The following SLC9A9 variants were observed in gnomAD, a reference collection of about 807,000 sequenced individuals.
The protein encoded by SLC9A9 is sodium/hydrogen exchanger 9.
Under a neutral mutation model 77.8 loss-of-function variants are expected in SLC9A9, and 62 were observed. That is an observed-to-expected ratio of 0.80 (90% CI 0.65 to 0.98). The LOEUF (loss-of-function observed/expected upper bound fraction) is 0.98. Among genes scored for constraint, SLC9A9 ranks in the 50% least tolerant of loss-of-function variants. The pLI is 0.00. For missense variants in SLC9A9, 775 were observed against 774.9 expected (o/e 1.00, Z 0.00); for synonymous variants, 320 against 283.5 (o/e 1.13, Z -1.29).
At chr3:143,600,455 G>C (rs2037828859) in intron 6 of SLC9A9, among the ~76,000 whole-genome samples, 1 of 152,188 alleles carries the variant, frequency 6.6e-6, no homozygotes, top group Non-Finnish European at 1.5e-5. Flanking sequence ...GGATGGACAA[G>C]AATTCTATAA....
intron 6 of SLC9A9, among the ~76,000 whole-genome samples, chr3:143,624,855 C>T (rs941870103): frequency 1.4e-4 from 21 of 152,120 alleles, no homozygotes; most frequent in African/African-American, 5.1e-4. Context: ...GATTGTATAT[C>T]TAGAAAACCC....
chr3:143,279,078 G>A (rs747909615), intron 14 of SLC9A9, among the ~76,000 whole-genome samples: 6 of 152,090 alleles, frequency 3.9e-5, no homozygotes, highest in Non-Finnish European at 5.9e-5. Flanking sequence ...TGAGTTACAG[G>A]TTTCAGAGAT....
At chr3:143,622,671 G>A (rs2038239976) in intron 6 of SLC9A9, among the ~76,000 whole-genome samples, 1 of 152,170 alleles carries the variant, frequency 6.6e-6, no homozygotes, top group Non-Finnish European at 1.5e-5. Flanking sequence ...ATGCCAAATT[G>A]TAAAGACCAT....
chr3:143,570,519 A>C (rs2037239959), intron 8 of SLC9A9, among the ~76,000 whole-genome samples: 1 of 152,202 alleles, frequency 6.6e-6, no homozygotes, highest in Admixed American at 6.5e-5. Flanking sequence ...ATAAAAATTT[A>C]TATCTCTAGC....
At chr3:143,789,247 C>T (rs1196107545) in intron 4 of SLC9A9, among the ~76,000 whole-genome samples, 1 of 152,094 alleles carries the variant, frequency 6.6e-6, no homozygotes. Flanking sequence ...CCTAGAGAAA[C>T]CTTTAGTTCT....
chr3:143,356,354 G>A (rs562683586), intron 14 of SLC9A9, among the ~76,000 whole-genome samples: 2 of 152,302 alleles, frequency 1.3e-5, no homozygotes, highest in East Asian at 3.9e-4. Flanking sequence ...CCAAAACAGA[G>A]GATAGTATGT....
chr3:143,813,860 A>G (rs2108874187), intron 2 of SLC9A9, among the ~76,000 whole-genome samples: 1 of 152,310 alleles, frequency 6.6e-6, no homozygotes. Flanking sequence ...ATTTTTAAAG[A>G]AGATGTCTGT....
chr3:143,685,413 A>G (rs1386171769), intron 5 of SLC9A9, among the ~76,000 whole-genome samples: 2 of 152,112 alleles, frequency 1.3e-5, no homozygotes, highest in Admixed American at 1.3e-4. Flanking sequence ...TACCTAAATC[A>G]AGACACCCTG....
intron 9 of SLC9A9, chr3:143,504,035 A>T: frequency 2.1e-6 from 1 of 482,502 alleles, no homozygotes; most frequent in Non-Finnish European, 4.1e-6. Flanking sequence ...GTAGGATCTC[A>T]CTCCTGGAAG....
chr3:143,794,321 ATT>A (rs34318652), intron 4 of SLC9A9, among the ~76,000 whole-genome samples: 27,226 of 149,750 alleles, frequency 0.18, 2,722 homozygotes, highest in East Asian at 0.41. Flanking sequence ...GTACCTGGAC[ATT>A]TTTTTTTTTT....
intron 5 of SLC9A9, among the ~76,000 whole-genome samples, chr3:143,671,101 G>A (rs941729487): frequency 3.9e-5 from 6 of 152,068 alleles, no homozygotes; most frequent in African/African-American, 9.7e-5. Context: ...ATAATTGATC[G>A]GCTGTGGTGA....
At chr3:143,345,854 G>T (rs895955412) in intron 14 of SLC9A9, among the ~76,000 whole-genome samples, 1 of 151,764 alleles carries the variant, frequency 6.6e-6, no homozygotes, top group African/African-American at 2.4e-5. Flanking sequence ...GTGGAGAATG[G>T]ATTCCAATCT....
chr3:143,571,901 G>A (rs2037263532), intron 8 of SLC9A9, among the ~76,000 whole-genome samples: 1 of 152,170 alleles, frequency 6.6e-6, no homozygotes, highest in South Asian at 2.1e-4. Context: ...TAAGTAATTT[G>A]GACTAAGCGG....
At chr3:143,332,694 A>T (rs1480846877) in intron 14 of SLC9A9, among the ~76,000 whole-genome samples, 2 of 152,184 alleles carry the variant, frequency 1.3e-5, no homozygotes, top group African/African-American at 4.8e-5. Flanking sequence ...CTTGTCTGTA[A>T]ATCTGATCAT....
chr3:143,380,698 A>G (rs1395501944), intron 13 of SLC9A9, among the ~76,000 whole-genome samples: 2 of 152,172 alleles, frequency 1.3e-5, no homozygotes, highest in African/African-American at 4.8e-5. Flanking sequence ...GAGTCTGTGG[A>G]AACTGCCTGG....
chr3:143,785,925 C>T (rs1265021146), intron 4 of SLC9A9, among the ~76,000 whole-genome samples: 1 of 141,448 alleles, frequency 7.1e-6, no homozygotes, highest in African/African-American at 2.6e-5. Context: ...GGCGCGATCT[C>T]GACTCACTGC....
At chr3:143,534,998 G>T (rs2108624815) in intron 9 of SLC9A9, among the ~76,000 whole-genome samples, 3 of 152,060 alleles carry the variant, frequency 2.0e-5, no homozygotes, top group Admixed American at 2.0e-4. Context: ...CAAGGTTGAG[G>T]CCTTAAAAAA....
intron 4 of SLC9A9, among the ~76,000 whole-genome samples, chr3:143,753,977 A>G (rs1334698946): frequency 6.7e-6 from 1 of 149,782 alleles, no homozygotes; most frequent in African/African-American, 2.4e-5. Context: ...TTTTCCCTAC[A>G]ATCAAGCATG....
chr3:143,391,259 G>C (rs1335628716), intron 12 of SLC9A9, among the ~76,000 whole-genome samples: 1 of 152,226 alleles, frequency 6.6e-6, no homozygotes, highest in Non-Finnish European at 1.5e-5. Context: ...GAAGCTTCCA[G>C]AGGAACGATC....
Sources: gnomAD v4.1 joint callset for allele counts (sites outside exome capture counted in the v4.1 genomes callset) on GRCh38, gnomAD v4.1.1 for gene constraint, MANE v1.5 for transcripts, NCBI Gene and HGNC (gene_info 2026-07-23, HGNC 2026-07-21) for gene names.